FERMT2: variants seen among roughly 807,000 people sequenced by gnomAD.
The protein encoded by FERMT2 is FERM domain containing kindlin 2.
FERMT2 carries 15 observed loss-of-function variants against 82.7 expected under a neutral mutation model. That is an observed-to-expected ratio of 0.18 (90% CI 0.12 to 0.28). The LOEUF is 0.28. Among genes scored for constraint, FERMT2 ranks in the 10% least tolerant of loss-of-function variants. FERMT2 has a pLI of 1.00. For synonymous variants in FERMT2, 274 were observed against 271.5 expected, an observed-to-expected ratio of 1.01 and a Z score of -0.09; for missense variants, 645 against 809.4, an observed-to-expected ratio of 0.80 and a Z score of 2.46.
intron 2 of FERMT2, among the ~76,000 whole-genome samples, chr14:52,938,528 T>G (rs1172107362): frequency 6.6e-6 from 1 of 152,176 alleles, no homozygotes; most frequent in Non-Finnish European, 1.5e-5. Context: ...ACCAATAAGT[T>G]GGCCACATCT....
intron 2 of FERMT2, among the ~76,000 whole-genome samples, chr14:52,936,537 G>C (rs1026129832): frequency 3.3e-5 from 5 of 152,134 alleles, no homozygotes; most frequent in African/African-American, 9.7e-5. Flanking sequence ...TGAGCCTCAC[G>C]TCAAGCCACT....
At chr14:52,897,638 T>C (rs1322702640) in intron 3 of FERMT2, among the ~76,000 whole-genome samples, 2 of 152,160 alleles carry the variant, frequency 1.3e-5, no homozygotes, top group South Asian at 4.1e-4. Flanking sequence ...TTAATAAGTA[T>C]GTGGGTTTTG....
At chr14:52,935,876 C>T (rs747698885) in intron 2 of FERMT2, among the ~76,000 whole-genome samples, 5 of 152,082 alleles carry the variant, frequency 3.3e-5, no homozygotes, top group Admixed American at 1.3e-4. Flanking sequence ...ATCTATTATC[C>T]GATACTATAA....
intron 2 of FERMT2, among the ~76,000 whole-genome samples, chr14:52,940,031 T>G (rs1334522508): frequency 1.3e-5 from 2 of 152,224 alleles, no homozygotes; most frequent in Non-Finnish European, 2.9e-5. Context: ...ATAATTGATT[T>G]TTTAAATACC....
intron 2 of FERMT2, among the ~76,000 whole-genome samples, chr14:52,939,800 T>C (rs1049680714): frequency 6.6e-6 from 1 of 151,704 alleles, no homozygotes; most frequent in Non-Finnish European, 1.5e-5. Flanking sequence ...ACAGGAATCA[T>C]CTGCTTTTTT....
At chr14:52,933,480 G>A (rs964707151) in intron 2 of FERMT2, among the ~76,000 whole-genome samples, 1 of 151,836 alleles carries the variant, frequency 6.6e-6, no homozygotes, top group Non-Finnish European at 1.5e-5. Context: ...AGGCTGAGGT[G>A]GGGGGGAATC....
intron 2 of FERMT2, among the ~76,000 whole-genome samples, chr14:52,938,178 G>A (rs182377930): frequency 1.6e-3 from 244 of 152,228 alleles, no homozygotes; most frequent in African/African-American, 5.7e-3. Context: ...CCACTAAACA[G>A]AATTTACAAA....
chr14:52,943,611 G>C (rs1404020812), intron 2 of FERMT2, among the ~76,000 whole-genome samples: 1 of 151,568 alleles, frequency 6.6e-6, no homozygotes, highest in Non-Finnish European at 1.5e-5. Flanking sequence ...AATTATGCAA[G>C]AGAAGTTTCT....
chr14:52,878,817 A>G (rs2140110972), intron 6 of FERMT2, 128 bp from the exon 7 acceptor site: 2 of 538,440 alleles, frequency 3.7e-6, no homozygotes, highest in East Asian at 6.4e-5. Context: ...TACAAGCAAG[A>G]ATTTTTATTT....
At position 52,860,557 on chromosome 14, in the gene FERMT2, C is replaced by T. The variant is rs1035842607; in HGVS notation, c.1603-92G>A. 199 of 1,081,024 alleles carry T rather than the reference C, an allele frequency of 1.8e-4. 1 individual carries two copies. Among genetic ancestry groups the T allele is most frequent in the South Asian group, 5.4e-4 (33 of 60,724 alleles). The allele number at this position is 1,081,024 out of a possible 1,614,324, so 67.0% of individuals were successfully genotyped here. A position where few individuals can be genotyped will look rare whatever the true frequency, so the allele number is the denominator to read the frequency against. Reference sequence around the variant, plus strand: ...GATCAAAAGATTGAATTACGCACCCCGTACCCCAAAATCATATTGTAAGAG... The same window carrying T: ...GATCAAAAGATTGAATTACGCACCCTGTACCCCAAAATCATATTGTAAGAG... On this transcript the variant is annotated intron_variant, in intron 12 of 14. Transcript: ENST00000341590.
chr14:52,950,603 CGT>C lies in FERMT2; in HGVS notation c.-9-28_-9-27del, dbSNP rs777175035. 1.3e-5 allele frequency: 21 copies of C among 1,607,854 alleles called. No homozygotes were observed. In the South Asian group the frequency reaches 2.2e-4, roughly 17 times the overall value. ...CTGCGAGCGCGGAGGAAATGGCTCT[CGT>C]AAGCGTCACTCCCCCAAAGAAAGGC... On this transcript the variant is annotated intron_variant, in intron 1 of 14. Transcript: ENST00000341590.
intron 3 of FERMT2, among the ~76,000 whole-genome samples, chr14:52,906,156 G>C (rs1338948642): frequency 6.6e-6 from 1 of 152,174 alleles, no homozygotes; most frequent in Non-Finnish European, 1.5e-5. Flanking sequence ...TGGCATTCAG[G>C]GATGACAAGG....
chr14:52,942,127 T>G (rs2139700587), intron 2 of FERMT2, among the ~76,000 whole-genome samples: 1 of 152,140 alleles, frequency 6.6e-6, no homozygotes, highest in Middle Eastern at 3.4e-3. Flanking sequence ...TTTAACCTAC[T>G]TTTCCTTTTT....
intron 2 of FERMT2, among the ~76,000 whole-genome samples, chr14:52,929,616 C>T (rs1211323311): frequency 1.3e-5 from 2 of 152,086 alleles, no homozygotes; most frequent in Non-Finnish European, 1.5e-5. Context: ...TCTTTCCTGC[C>T]GCAGTGCCCT....
chr14:52,871,646 A>G (rs1215424398), intron 10 of FERMT2: 1 of 152,230 alleles, frequency 6.6e-6, no homozygotes, highest in Non-Finnish European at 1.5e-5. Flanking sequence ...AATAGAAGAA[A>G]TCACTGAAAT....
intron 10 of FERMT2, among the ~76,000 whole-genome samples, chr14:52,865,849 G>T (rs765725797): frequency 2.2e-4 from 34 of 152,198 alleles, no homozygotes; most frequent in Non-Finnish European, 4.4e-4. Flanking sequence ...ATAAAGGAGA[G>T]GCCCTCTTTA....
At chr14:52,878,175 T>C (rs567144385) in intron 7 of FERMT2, among the ~76,000 whole-genome samples, 11 of 152,284 alleles carry the variant, frequency 7.2e-5, no homozygotes, top group Admixed American at 3.3e-4. Context: ...GCCCATTTTA[T>C]AGTGTGTTGT....
At chr14:52,916,028 T>C (rs7144903) in intron 3 of FERMT2, among the ~76,000 whole-genome samples, 21,592 of 152,154 alleles carry the variant, frequency 0.14, 1,738 homozygotes, top group African/African-American at 0.22. Flanking sequence ...ATCCAGACGA[T>C]GGAATACTAT....
chr14:52,939,921 A>C (rs1890017197), intron 2 of FERMT2, among the ~76,000 whole-genome samples: 1 of 152,248 alleles, frequency 6.6e-6, no homozygotes, highest in South Asian at 2.1e-4. Flanking sequence ...TTCATCTACA[A>C]TCAATAATGC....
Sources: allele counts gnomAD v4.1 joint callset (sites outside exome capture counted in the v4.1 genomes callset), GRCh38; gene constraint gnomAD v4.1.1; transcripts MANE v1.5; gene names NCBI Gene and HGNC (gene_info 2026-07-23, HGNC 2026-07-21).